CCDC12: variants seen among roughly 807,000 people sequenced by gnomAD.
The protein encoded by CCDC12 is coiled-coil domain-containing protein 12.
In CCDC12, 28 loss-of-function variants were observed where a neutral mutation model predicts 25.7. That is an observed-to-expected ratio of 1.09 (90% CI 0.81 to 1.50). The LOEUF (loss-of-function observed/expected upper bound fraction) is 1.50, where lower values mean the gene tolerates loss of function less well. CCDC12 is among the 40% of genes most tolerant of loss of function. CCDC12 has a pLI of 0.00. For missense variants in CCDC12, 198 were observed against 210.0 expected (o/e 0.94, Z 0.35); for synonymous variants, 75 against 87.7 (o/e 0.86, Z 0.81).
chr3:46,938,518 G>GTTTT (rs66474878), intron 2 of CCDC12, among the ~76,000 whole-genome samples: 47 of 91,410 alleles, frequency 5.1e-4, no homozygotes, highest in African/African-American at 7.5e-4. Context: ...TTCCCCTCCT[G>GTTTT]TTTTTTTTTT....
chr3:46,928,523 T>A (rs2033071533), intron 2 of CCDC12, among the ~76,000 whole-genome samples: 1 of 151,698 alleles, frequency 6.6e-6, no homozygotes, highest in Non-Finnish European at 1.5e-5. Context: ...CCTCATATAA[T>A]CTCATGGGCC....
intron 1 of CCDC12, among the ~76,000 whole-genome samples, chr3:46,953,648 GAAAAAA>G (rs527618724): frequency 9.5e-6 from 1 of 105,378 alleles, no homozygotes; most frequent in Non-Finnish European, 2.0e-5. Flanking sequence ...CTCAAGCTTG[GAAAAAA>G]AAAAAAAAAA....
chr3:46,923,876 C>T, intron 3 of CCDC12: 1 of 414,448 alleles, frequency 2.4e-6, no homozygotes. Context: ...GCATTCCCCA[C>T]AGGCCAAGAA....
In CCDC12 at chr3:46,976,721, A is replaced by G. The variant is rs140741650; in HGVS notation, c.12T>C (p.Thr4=). The change falls in exon 1 of 7, where the codon ACT becomes ACC. Residue 4 remains threonine, a synonymous_variant. Transcript: ENST00000683445. ...CCTCTAGCCGGCCCACACCAGCCGT[A>G]GTTGCCTCCATCTTGCCCGCGTACG... MEA[T]TAGVGRLEEE... The G allele has an allele frequency of 3.8e-3, 6,120 of 1,608,556 alleles. 41 individuals are homozygous for G. The highest frequency in any genetic ancestry group is 3.2e-3 in the Non-Finnish European group (3,718 of 1,177,522).
intron 2 of CCDC12, among the ~76,000 whole-genome samples, chr3:46,935,186 C>T (rs1299934795): frequency 6.6e-6 from 1 of 152,220 alleles, no homozygotes; most frequent in Admixed American, 6.5e-5. Context: ...CACCCAGCAC[C>T]GGTCAAACAA....
chr3:46,923,260 C>T (rs1434731499), intron 5 of CCDC12, 69 bp downstream of exon 5: 168 of 1,412,706 alleles, frequency 1.2e-4, no homozygotes, highest in Non-Finnish European at 1.5e-4. Context: ...AAGGGCCAAG[C>T]CCCAGGCCCA....
chr3:46,976,827 TGA>T, upstream of CCDC12: 1 of 1,531,472 alleles, frequency 6.5e-7, no homozygotes, highest in Admixed American at 2.0e-5. Flanking sequence ...AGGACGAGAA[TGA>T]GAGACTGGGA....
intron 1 of CCDC12, among the ~76,000 whole-genome samples, chr3:46,944,023 T>G (rs1032119695): frequency 1.3e-5 from 2 of 152,134 alleles, no homozygotes; most frequent in Non-Finnish European, 2.9e-5. Flanking sequence ...AATCACAAGA[T>G]AAGGCCCTTT....
intron 1 of CCDC12, among the ~76,000 whole-genome samples, chr3:46,973,645 A>C (rs1211694138): frequency 1.6e-5 from 2 of 121,944 alleles, no homozygotes; most frequent in Non-Finnish European, 3.2e-5. Flanking sequence ...ATGGAGTCTC[A>C]CTCTGTCGCC....
Position 46,925,513 on chromosome 3 carries a change from C to A in CCDC12, c.187G>T (p.Val63Phe). 6.3e-7 allele frequency: 1 copy of A among 1,593,094 alleles called. No homozygotes were observed. The highest frequency in any genetic ancestry group is 8.6e-7 in the Non-Finnish European group (1 of 1,165,150). The change falls in exon 3 of 7, where the codon GTC becomes TTC. Residue 63 changes from valine to phenylalanine, a missense_variant. By Grantham distance (50) the Val-to-Phe change is conservative (BLOSUM62 -1). Transcript: ENST00000683445. ...TTCTTCAGGTCCTCATCCTCCGGGA[C>A]ATAGTTCCGCAGCCTAAGTTCCCTG... ...KHRELRLRNY[V>F]PEDEDLKKRR...
intron 1 of CCDC12, among the ~76,000 whole-genome samples, chr3:46,944,560 C>CCCT (rs1559555891): frequency 6.6e-6 from 1 of 151,732 alleles, no homozygotes; most frequent in Non-Finnish European, 1.5e-5. Flanking sequence ...CCCCACTCCC[C>CCCT]ACTCAATACC....
chr3:46,976,896 C>T, upstream of CCDC12: 1 of 1,069,680 alleles, frequency 9.3e-7, no homozygotes, highest in Non-Finnish European at 1.3e-6. Flanking sequence ...CCGCCTTGCC[C>T]CGCCCCGCCC....
At chr3:46,961,802 G>C (rs1193604694) in intron 1 of CCDC12, among the ~76,000 whole-genome samples, 3 of 152,210 alleles carry the variant, frequency 2.0e-5, no homozygotes, top group Non-Finnish European at 2.9e-5. Flanking sequence ...TTATCAGGAT[G>C]TTATGGAAGG....
intron 1 of CCDC12, among the ~76,000 whole-genome samples, chr3:46,956,652 T>C (rs2034296330): frequency 1.3e-5 from 2 of 152,080 alleles, no homozygotes; most frequent in South Asian, 2.1e-4. Context: ...TGAAACCCTG[T>C]CTCTACCACA....
At chr3:46,965,015 C>T (rs1003979871) in intron 1 of CCDC12, among the ~76,000 whole-genome samples, 1 of 151,674 alleles carries the variant, frequency 6.6e-6, no homozygotes, top group African/African-American at 2.4e-5. Context: ...CTAACTCAGT[C>T]AAGAGGACCA....
intron 1 of CCDC12, among the ~76,000 whole-genome samples, chr3:46,967,170 G>T (rs1334762053): frequency 6.6e-6 from 1 of 152,032 alleles, no homozygotes; most frequent in Non-Finnish European, 1.5e-5. Flanking sequence ...CCAGACTCTT[G>T]CCTTCCCCTT....
At chr3:46,978,905 C>G (rs1298403597), upstream of CCDC12, among the ~76,000 whole-genome samples, 1 of 152,188 alleles carries the variant, frequency 6.6e-6, no homozygotes. Context: ...ATCACTTGAA[C>G]CCAGGAGGCG....
At chr3:46,961,477 G>A (rs1251913456) in intron 1 of CCDC12, among the ~76,000 whole-genome samples, 3 of 152,288 alleles carry the variant, frequency 2.0e-5, no homozygotes, top group African/African-American at 7.2e-5. Flanking sequence ...TGGCTAGCAG[G>A]TCAGGAGGCC....
chr3:46,923,297 G>A (rs781063274), intron 5 of CCDC12, 32 bp downstream of exon 5: 1 of 1,472,292 alleles, frequency 6.8e-7, no homozygotes, highest in East Asian at 2.4e-5. Context: ...CCCCGAGTCA[G>A]CCTGCACCCG....
Sources: gnomAD v4.1 joint callset for allele counts (sites outside exome capture counted in the v4.1 genomes callset) on GRCh38, gnomAD v4.1.1 for gene constraint, MANE v1.5 for transcripts, NCBI Gene and HGNC (gene_info 2026-07-23, HGNC 2026-07-21) for gene names.